The following PROM2 variants were observed in gnomAD, a reference collection of about 807,000 sequenced individuals.
PROM2 encodes the protein prominin-2.
PROM2 carries 90 observed loss-of-function variants against 110.2 expected under a neutral mutation model. The observed-to-expected ratio is 0.82, with a 90% CI of 0.69 to 0.97. PROM2 has a LOEUF of 0.97. Ranked by LOEUF, PROM2 falls within the 50% of genes least tolerant of loss-of-function variation. The probability of loss-of-function intolerance (pLI) is 0.00; values close to 1 mark genes in which losing one functional copy is unlikely to be tolerated. For missense variants in PROM2, 1,009 were observed against 1,074.8 expected, an observed-to-expected ratio of 0.94 and a Z score of 0.86; for synonymous variants, 470 against 467.8, an observed-to-expected ratio of 1.00 and a Z score of -0.06.
Position 95,276,011 on chromosome 2 carries a change from T to A in PROM2, c.376T>A (p.Cys126Ser). Residue 126 changes from cysteine (C) to serine (S), a missense_variant, in exon 3 of 24, where the codon TGC becomes AGC. Physicochemically the swap from Cys to Ser is moderately radical, Grantham distance 112. Transcript: ENST00000317620. The surrounding 1 kb of genome is among the most constrained non-coding windows in gnomAD (Gnocchi z 4.6). ...GCTGCTGGTGCCCACTGCCGGGCTT[T>A]GCTTCTGCTGCTGCCGCTGCCACCG... The part of the protein sequence containing the change: ...YLLLVPTAGL[C>S]FCCCRCHRRC... 1.2e-6 allele frequency: 2 copies of A among 1,611,774 alleles called. No individual in the cohort carries two copies. The highest frequency in any genetic ancestry group is 1.7e-6 in the Non-Finnish European group (2 of 1,179,830).
chr2:95,279,069 G>A lies in PROM2; in HGVS notation c.1199G>A (p.Trp400Ter). 6.2e-7 allele frequency: 1 copy of A among 1,612,688 alleles called. No homozygotes were observed. The highest frequency in any genetic ancestry group is 8.5e-7 in the Non-Finnish European group (1 of 1,179,666). ...CCGGGCTTGGAGGCAGCTTCCCGCT[G>A]GGCCCAGGCACTGCAGGAGGTGGAG... Reference protein sequence around the residue: ...GFPGLEAASRWAQALQEVEES... With the variant: ...GFPGLEAASR Residue 400 changes from tryptophan (W) to a stop codon, truncating the protein, a stop_gained, in exon 10 of 24, where the codon TGG becomes TAG. Coordinates refer to ENST00000317620, the MANE Select transcript of PROM2 (RefSeq NM_001165978.3). LOFTEE classifies it high-confidence loss of function.
chr2:95,289,600 CCTCCCCCTGCCA>C lies in PROM2; in HGVS notation c.*388_*399del, dbSNP rs1677578858. The C allele has an allele frequency of 7.0e-6, 1 of 141,952 alleles. No individual in the cohort carries two copies. 8.8% of individuals were successfully genotyped at this position (141,952 alleles called of 1,614,324 possible). A position where few individuals can be genotyped will look rare whatever the true frequency, so the allele number is the denominator to read the frequency against. On this transcript the variant is annotated 3_prime_UTR_variant, in exon 24 of 24. Transcript: ENST00000317620. ...TCCCGTGTGTCTTCCCCCTGCCAAG[CCTCCCCCTGCCA>C]AGCCTCCCCCTGCCCCTCTCTGAGC... is the stretch of plus-strand genomic sequence containing the variant.
intron 12 of PROM2, 62 bp from the exon 13 acceptor site, chr2:95,281,861 AGG>A: frequency 8.8e-7 from 1 of 1,131,216 alleles, no homozygotes. Flanking sequence ...GCCAGGCCCT[AGG>A]GGACCAGGGT....
Position 95,276,153 on chromosome 2 carries a change from C to T in PROM2, c.497+21C>T, listed in dbSNP as rs560827889. The T allele has an allele frequency of 3.0e-5, 48 of 1,611,946 alleles. No individual in the cohort carries two copies. In the Admixed American group the frequency reaches 4.0e-4, roughly 13 times the overall value. ...CTGCTGTAAGGCGCTGCCCAGGGCCCGGGTAGGGCGGGCTGTGGCCCCCAG... is the reference window on the plus strand; with the variant it reads ...CTGCTGTAAGGCGCTGCCCAGGGCCTGGGTAGGGCGGGCTGTGGCCCCCAG... On this transcript the variant is annotated intron_variant, in intron 3 of 23. Transcript: ENST00000317620. This position sits in a 1 kb window ranked among gnomAD's most constrained non-coding sequence, Gnocchi z 4.6.
In PROM2 at chr2:95,275,480, G is replaced by A. The variant is rs1473064899; in HGVS notation, c.264G>A (p.Leu88=). Residue 88 remains leucine (L), a synonymous_variant, in exon 2 of 24, where the codon CTG becomes CTA. Coordinates refer to ENST00000317620, the MANE Select transcript of PROM2 (RefSeq NM_001165978.3). The surrounding 1 kb of genome is among the most constrained non-coding windows in gnomAD (Gnocchi z 4.4). ...PFPSELVKAL[L]NELASVKVNE... ...CCATAGAGTTGGTAAAGGCCCTACT[G>A]AATGAGCTGGCCTCCGTGAAGGTGA... The A allele has an allele frequency of 1.2e-6, 2 of 1,613,792 alleles. No individual in the cohort carries two copies. Among genetic ancestry groups the A allele is most frequent in the Non-Finnish European group, 1.7e-6 (2 of 1,179,844 alleles).
chr2:95,285,798 G>C (rs1213149903), intron 16 of PROM2, 88 bp downstream of exon 16: 19 of 1,316,590 alleles, frequency 1.4e-5, no homozygotes, highest in Non-Finnish European at 2.0e-5. Flanking sequence ...GAGGGCAAAG[G>C]CAGGGAACTG....
In PROM2 at chr2:95,276,854, C is replaced by T; in HGVS notation, c.683-118C>T. 3.3e-6 allele frequency: 4 copies of T among 1,200,800 alleles called. No homozygotes were observed. The highest frequency in any genetic ancestry group is 2.7e-5 in the South Asian group (2 of 74,256). The allele number at this position is 1,200,800 out of a possible 1,614,324, so 74.4% of individuals were successfully genotyped here. A position where few individuals can be genotyped will look rare whatever the true frequency, so the allele number is the denominator to read the frequency against. On this transcript the variant is annotated intron_variant, in intron 5 of 23. Coordinates refer to ENST00000317620, the MANE Select transcript of PROM2 (RefSeq NM_001165978.3). This position sits in a 1 kb window ranked among gnomAD's most constrained non-coding sequence, Gnocchi z 4.6. ...AAGAAGCCGTGTCCCCGCTCCTTCACTCCCCTCCACCCCCCGGCTCCTGCA... is the reference window on the plus strand; with the variant it reads ...AAGAAGCCGTGTCCCCGCTCCTTCATTCCCCTCCACCCCCCGGCTCCTGCA...
In PROM2 at chr2:95,288,996, G is replaced by A; in HGVS notation, c.2505G>A (p.Ter835=). 6.2e-7 allele frequency: 1 copy of A among 1,613,706 alleles called. No homozygotes were observed. Among genetic ancestry groups the A allele is most frequent in the Non-Finnish European group, 8.5e-7 (1 of 1,179,628 alleles). Residue 835 remains the stop codon, a stop_retained_variant, in exon 23 of 24, where the codon TAG becomes TAA. Transcript: ENST00000317620. ...CCCGGGTTACCTCCCTGAAGCTGTA[G>A]GGCCTTGTGGGTGAGTTTTCCCCAA... The part of the protein sequence containing the change: ...HIPRVTSLKL[*]
At chr2:95,284,819 C>A in intron 14 of PROM2, 150 bp from the exon 15 acceptor site, 1 of 929,876 alleles carries the variant, frequency 1.1e-6, no homozygotes, top group Non-Finnish European at 1.6e-6. Flanking sequence ...CACCTTCACC[C>A]CCAACACCGG....
intron 18 of PROM2, 41 bp from the exon 19 acceptor site, chr2:95,287,092 G>T (rs150339536): frequency 6.4e-7 from 1 of 1,556,520 alleles, no homozygotes; most frequent in South Asian, 1.1e-5. Flanking sequence ...GAATGGATGC[G>T]TGAATGTGGG....
chr2:95,281,167 T>G, intron 11 of PROM2, 75 bp from the exon 12 acceptor site: 1 of 1,559,582 alleles, frequency 6.4e-7, no homozygotes. Context: ...GGCCCTGGGG[T>G]GAGGGTGGGA....
rs757822527 is a variant in PROM2 at position 95,278,991 on chromosome 2, A to C, written c.1121A>C (p.Lys374Thr). 1.1e-5 allele frequency: 17 copies of C among 1,604,678 alleles called. No homozygotes were observed. The East Asian group carries it at 3.3e-4, about 32-fold the overall frequency. The change falls in exon 10 of 24, where the codon AAG (lysine) becomes ACG (threonine). Residue 374 changes from lysine (K) to threonine (T), a missense_variant. By Grantham distance (78) the Lys-to-Thr change is moderately conservative. Coordinates refer to ENST00000317620, the MANE Select transcript of PROM2 (RefSeq NM_001165978.3). ...MQTSSVVQEL[K>T]KAVAQQPEGV... ...TCCCTGTTACTTTGGGCAGAGCTGA[A>C]GAAGGCAGTGGCCCAGCAGCCGGAA...
In PROM2 at chr2:95,277,492, G is replaced by A. The variant is rs754914820; in HGVS notation, c.901G>A (p.Ala301Thr). Residue 301 changes from alanine (A) to threonine (T), a missense_variant, in exon 7 of 24, where the codon GCC (alanine) becomes ACC (threonine). Physicochemically the swap from Ala to Thr is moderately conservative, Grantham distance 58. Transcript: ENST00000317620. ...CCGCCTCCTTGAGCTGCTGCAGGAG[G>A]CCAGGTGCCAGGGAGATTGTGCAGG... is the stretch of plus-strand genomic sequence containing the variant. ...RDRLLELLQE[A>T]RCQGDCAGAL... 1.2e-6 allele frequency: 2 copies of A among 1,611,766 alleles called. No homozygotes were observed. Among genetic ancestry groups the A allele is most frequent in the Admixed American group, 1.7e-5 (1 of 59,910 alleles).
At chr2:95,282,088 C>T in intron 13 of PROM2, 54 bp from the exon 14 acceptor site, 1 of 1,605,154 alleles carries the variant, frequency 6.2e-7, no homozygotes. Context: ...CAGGGGACAT[C>T]AGCCCCCCCG....
In PROM2 at chr2:95,277,355, G is replaced by A; in HGVS notation, c.773-9G>A. 6.2e-7 allele frequency: 1 copy of A among 1,603,294 alleles called. No homozygotes were observed. The highest frequency in any genetic ancestry group is 1.7e-4 in the Middle Eastern group (1 of 5,972). ...TGGACCCTGCTCAGGCTGGGTGTGG[G>A]TCTCTCAGTCCTGCAGGTCTCCGTG... On this transcript the variant is annotated splice_polypyrimidine_tract_variant and intron_variant, in intron 6 of 23. Coordinates refer to ENST00000317620, the MANE Select transcript of PROM2 (RefSeq NM_001165978.3).
intron 19 of PROM2, 24 bp downstream of exon 19, chr2:95,287,237 A>G: frequency 6.2e-7 from 1 of 1,602,596 alleles, no homozygotes; most frequent in South Asian, 1.1e-5. Flanking sequence ...GGGACAGGGA[A>G]GGGGCTTCCA....
rs1677382678 is a variant in PROM2, at chr2:95,286,706, C to G, written c.2041-98C>G. The G allele has an allele frequency of 1.9e-5, 13 of 668,638 alleles. 1 individual carries two copies. The highest frequency in any genetic ancestry group is 3.1e-5 in the Non-Finnish European group (12 of 384,958). The allele number at this position is 668,638 out of a possible 1,614,324, so 41.4% of individuals were successfully genotyped here. A position where few individuals can be genotyped will look rare whatever the true frequency, so the allele number is the denominator to read the frequency against. On this transcript the variant is annotated intron_variant, in intron 17 of 23. Coordinates refer to ENST00000317620, the MANE Select transcript of PROM2 (RefSeq NM_001165978.3). ...CTCCTCTCCCCTCCTCTCCCCTCCTCTCCCCTCCCCTCCCCTCCACTCCCC... is the reference window on the plus strand; with the variant it reads ...CTCCTCTCCCCTCCTCTCCCCTCCTGTCCCCTCCCCTCCCCTCCACTCCCC...
intron 6 of PROM2, 60 bp from the exon 7 acceptor site, chr2:95,277,304 T>C (rs1337925357): frequency 1.6e-5 from 25 of 1,525,682 alleles, no homozygotes; most frequent in Non-Finnish European, 1.6e-5. Context: ...TTCTGCCTCC[T>C]GCAAGGCGTC....
At position 95,276,905 on chromosome 2, in the gene PROM2, G is replaced by A; in HGVS notation, c.683-67G>A. The A allele has an allele frequency of 6.7e-7, 1 of 1,497,964 alleles. No individual in the cohort carries two copies. The highest frequency in any genetic ancestry group is 9.1e-7 in the Non-Finnish European group (1 of 1,099,526). The allele number at this position is 1,497,964 out of a possible 1,614,324, so 92.8% of individuals were successfully genotyped here. On this transcript the variant is annotated intron_variant, in intron 5 of 23. Transcript: ENST00000317620. This position sits in a 1 kb window ranked among gnomAD's most constrained non-coding sequence, Gnocchi z 4.6. Reference sequence around the variant, plus strand: ...GAGCCCGGTGGGGCCTGGGGAGGCAGGATGGGAATGGGGAGGGCCCCTCCA... The same window carrying A: ...GAGCCCGGTGGGGCCTGGGGAGGCAAGATGGGAATGGGGAGGGCCCCTCCA...
Sources: gnomAD v4.1 joint callset for allele counts on GRCh38, gnomAD v4.1.1 for gene constraint, Gnocchi (gnomAD v3.1) non-coding constraint, MANE v1.5 for transcripts, NCBI Gene and HGNC (gene_info 2026-07-23, HGNC 2026-07-21) for gene names.